Variants in TUBA1C observed in about 807,000 individuals in gnomAD.
The protein encoded by TUBA1C is tubulin alpha 1c.
Under a neutral mutation model 34.9 loss-of-function variants are expected in TUBA1C, and 16 were observed. The observed-to-expected ratio is 0.46, with a 90% CI of 0.31 to 0.70. The LOEUF is 0.70. Among genes scored for constraint, TUBA1C ranks in the 30% least tolerant of loss-of-function variants. The pLI is 0.05. For synonymous variants in TUBA1C, 177 were observed against 215.9 expected (o/e 0.82, Z 1.58); for missense variants, 329 against 587.3 (o/e 0.56, Z 4.55).
intron 1 of TUBA1C, among the ~76,000 whole-genome samples, chr12:49,244,016 G>A (rs1565640966): frequency 6.6e-6 from 1 of 151,934 alleles, no homozygotes; most frequent in Non-Finnish European, 1.5e-5. Flanking sequence ...TGGGTGTGGT[G>A]GCGGGCACCT....
intron 1 of TUBA1C, among the ~76,000 whole-genome samples, chr12:49,241,081 T>C (rs1487419086): frequency 6.6e-6 from 1 of 152,106 alleles, no homozygotes; most frequent in Non-Finnish European, 1.5e-5. Context: ...TTTGTATTTT[T>C]AGTCGAGACA....
chr12:49,232,763 A>C (rs1592271561), intron 1 of TUBA1C: 1 of 152,288 alleles, frequency 6.6e-6, no homozygotes, highest in East Asian at 1.9e-4. Flanking sequence ...TTTGGGGTTA[A>C]GTACAATCCC....
At chr12:49,244,564 AT>A (rs532636541) in intron 1 of TUBA1C, among the ~76,000 whole-genome samples, 5,391 of 146,794 alleles carry the variant, frequency 0.037, 109 homozygotes, top group Middle Eastern at 0.081. Flanking sequence ...CCAGAGAGGT[AT>A]TTTTTTTTTT....
At chr12:49,267,952 G>C (rs938552347) in intron 1 of TUBA1C, among the ~76,000 whole-genome samples, 1 of 152,226 alleles carries the variant, frequency 6.6e-6, no homozygotes. Context: ...TTCCTGTTAA[G>C]TCTGTGTGTA....
At chr12:49,256,133 G>T (rs1208381887) in intron 1 of TUBA1C, among the ~76,000 whole-genome samples, 1 of 152,194 alleles carries the variant, frequency 6.6e-6, no homozygotes, top group Non-Finnish European at 1.5e-5. Context: ...AACACTAAAA[G>T]AAACTAGTGT....
At chr12:49,253,334 G>A (rs1017401197) in intron 1 of TUBA1C, among the ~76,000 whole-genome samples, 3 of 152,110 alleles carry the variant, frequency 2.0e-5, no homozygotes, top group East Asian at 1.9e-4. Flanking sequence ...GTAGGTGTAA[G>A]CTACGGTGGA....
intron 1 of TUBA1C, chr12:49,228,176 T>A (rs1319916050): frequency 6.5e-7 from 1 of 1,535,538 alleles, no homozygotes; most frequent in Admixed American, 2.0e-5. Flanking sequence ...GGTAAGGCTG[T>A]AATAGTAATG....
chr12:49,261,282 G>C (rs1177374450), upstream of TUBA1C, among the ~76,000 whole-genome samples: 1 of 152,000 alleles, frequency 6.6e-6, no homozygotes, highest in Non-Finnish European at 1.5e-5. Context: ...CAGAGTCCTA[G>C]CTGTCCTTTG....
At position 49,274,345 on chromosome 12, in the gene TUBA1C, G is replaced by A. The variant is rs1157992659; in HGVS notation, c.*1118G>A. The A allele has an allele frequency of 2.5e-5, 3 of 120,832 alleles. No individual in the cohort carries two copies. Among genetic ancestry groups the A allele is most frequent in the East Asian group, 2.8e-4 (1 of 3,516 alleles). 7.5% of individuals were successfully genotyped at this position (120,832 alleles called of 1,614,324 possible). On this transcript the variant is annotated 3_prime_UTR_variant, in exon 4 of 4. Transcript: ENST00000301072. ...AGATGGGGTTTTGCCATGTTGCTTA[G>A]GCTGGCCTTGAACTCCTGGGCTCAG... is the stretch of plus-strand genomic sequence containing the variant.
chr12:49,259,301 G>A (rs1464809144), intron 1 of TUBA1C, among the ~76,000 whole-genome samples: 1 of 151,452 alleles, frequency 6.6e-6, no homozygotes, highest in Non-Finnish European at 1.5e-5. Flanking sequence ...GTGCGATCTC[G>A]GCTCACTGCA....
At chr12:49,230,703 G>A (rs934186911) in intron 1 of TUBA1C, among the ~76,000 whole-genome samples, 1 of 152,164 alleles carries the variant, frequency 6.6e-6, no homozygotes, top group Admixed American at 6.6e-5. Flanking sequence ...TTGCTCTGAA[G>A]GACTATCCCT....
At chr12:49,252,361 A>G (rs1170509358) in intron 1 of TUBA1C, among the ~76,000 whole-genome samples, 2 of 152,152 alleles carry the variant, frequency 1.3e-5, no homozygotes, top group Admixed American at 1.3e-4. Flanking sequence ...ATAAAACTTG[A>G]TGTTTATTCT....
At chr12:49,250,178 G>A (rs983984461) in intron 1 of TUBA1C, among the ~76,000 whole-genome samples, 3 of 151,814 alleles carry the variant, frequency 2.0e-5, no homozygotes, top group Admixed American at 6.6e-5. Context: ...CAACCTGGGC[G>A]ACAGAGTGAG....
chr12:49,234,928 C>CT (rs1319315269), intron 1 of TUBA1C, among the ~76,000 whole-genome samples: 1 of 152,108 alleles, frequency 6.6e-6, no homozygotes, highest in African/African-American at 2.4e-5. Flanking sequence ...AGCGATTCTC[C>CT]TGCCTCAGAC....
intron 1 of TUBA1C, among the ~76,000 whole-genome samples, chr12:49,259,505 G>A (rs1032919835): frequency 6.6e-6 from 1 of 152,188 alleles, no homozygotes; most frequent in Non-Finnish European, 1.5e-5. Flanking sequence ...TTATAGGCAT[G>A]AGCCACCACG....
rs1367988432 is a variant in TUBA1C, at chr12:49,272,120, G to C, written c.376-133G>C. On this transcript the variant is annotated intron_variant, in intron 3 of 3. Coordinates refer to ENST00000301072, the MANE Select transcript of TUBA1C (RefSeq NM_032704.5). ...GTTGATTACAGGCGTGAGCCACTGC[G>C]CCTGGCCCAGAAGAGTTTTAAAATT... 8.9e-6 allele frequency: 13 copies of C among 1,457,698 alleles called. No individual in the cohort carries two copies. In the African/African-American group the frequency reaches 1.4e-4, roughly 16 times the overall value. 90.3% of individuals were successfully genotyped at this position (1,457,698 alleles called of 1,614,324 possible). A position where few individuals can be genotyped will look rare whatever the true frequency, so the allele number is the denominator to read the frequency against.
chr12:49,249,583 G>T (rs1038307470), intron 1 of TUBA1C, among the ~76,000 whole-genome samples: 1 of 152,122 alleles, frequency 6.6e-6, no homozygotes, highest in African/African-American at 2.4e-5. Flanking sequence ...ACAATGACTG[G>T]TCGTGGTGGC....
chr12:49,258,343 G>A (rs1942807660), intron 1 of TUBA1C, among the ~76,000 whole-genome samples: 1 of 152,140 alleles, frequency 6.6e-6, no homozygotes, highest in South Asian at 2.1e-4. Context: ...GGAGGCCCAG[G>A]AGGGAGCATC....
At position 49,274,420 on chromosome 12, in the gene TUBA1C, C is replaced by T. The variant is rs1330491017; in HGVS notation, c.*1193C>T. 1 of 150,006 alleles carries T rather than the reference C, an allele frequency of 6.7e-6. No homozygotes were observed. The highest frequency in any genetic ancestry group is 2.5e-5 in the African/African-American group (1 of 40,598). 9.3% of individuals were successfully genotyped at this position (150,006 alleles called of 1,614,324 possible). On this transcript the variant is annotated 3_prime_UTR_variant, in exon 4 of 4. Transcript: ENST00000301072. ...GTGCTGGGATTACAGGAGTGAGCCA[C>T]TACACCTGGCCCCTAGATACGTTTT...
Sources: allele counts gnomAD v4.1 joint callset (sites outside exome capture counted in the v4.1 genomes callset), GRCh38; gene constraint gnomAD v4.1.1; transcripts MANE v1.5; gene names NCBI Gene and HGNC (gene_info 2026-07-23, HGNC 2026-07-21).